Variants in TOPORS observed in about 807,000 individuals in gnomAD.
TOPORS encodes TOP1 binding arginine/serine rich protein, E3 ubiquitin ligase.
In TOPORS, 25 loss-of-function variants were observed where a neutral mutation model predicts 81.4. The observed-to-expected ratio is 0.31, with a 90% confidence interval of 0.22 to 0.43. The LOEUF is 0.43. Ranked by LOEUF, TOPORS falls within the 20% of genes least tolerant of loss-of-function variation. The probability of loss-of-function intolerance (pLI) is 1.00; values close to 1 mark genes in which losing one functional copy is unlikely to be tolerated. For synonymous variants in TOPORS, 473 were observed against 456.6 expected (o/e 1.04, Z -0.46); for missense variants, 1,101 against 1,267.0 (o/e 0.87, Z 1.99).
intron 1 of TOPORS, chr9:32,551,833 T>C (rs1563987860): frequency 6.7e-6 from 3 of 450,558 alleles, no homozygotes; most frequent in African/African-American, 6.0e-5. Flanking sequence ...TATTTCTTCT[T>C]AGAGATATAC....
Position 32,542,222 on chromosome 9 carries a change from C to A in TOPORS, c.2303G>T (p.Arg768Ile), listed in dbSNP as rs1404848736. The A allele has an allele frequency of 1.2e-6, 2 of 1,614,090 alleles. No individual in the cohort carries two copies. The highest frequency in any genetic ancestry group is 1.7e-5 in the Admixed American group (1 of 60,008). ...ERKYYYYERH[R>I]SRSLSSNRSR... is the part of the protein sequence containing the mutation. ...TCTGTTACTAGACAGGCTCCTTGAT[C>A]TGTGCCTTTCATAGTAGTAATACTT... Residue 768 changes from arginine (R) to isoleucine (I), a missense_variant, in exon 3 of 3, where the codon AGA becomes ATA. Physicochemically the swap from Arg to Ile is moderately conservative, Grantham distance 97. This residue lies in a region of TOPORS where 605 missense variants were observed against 636.1 expected (regional missense o/e 0.95). Coordinates refer to ENST00000360538, the MANE Select transcript of TOPORS (RefSeq NM_005802.5).
At position 32,542,343 on chromosome 9, in the gene TOPORS, C is replaced by A; in HGVS notation, c.2182G>T (p.Ala728Ser). 1 of 1,614,096 alleles carries A rather than the reference C, an allele frequency of 6.2e-7. No individual in the cohort carries two copies. Among genetic ancestry groups the A allele is most frequent in the Non-Finnish European group, 8.5e-7 (1 of 1,180,012 alleles). ...CTTGAAGACTGTCTAGAATAATGAG[C>A]TCTGGACAGAGTCCTCCTCCTGTAA... ...SSYRRRTLSR[A>S]HYSRQSSSPE... is the part of the protein sequence containing the mutation. The change falls in exon 3 of 3, where the codon GCT (alanine) becomes TCT (serine). Residue 728 changes from alanine to serine, a missense_variant. Ala to Ser is a moderately conservative substitution (Grantham distance 99). Transcript: ENST00000360538.
rs373017586 is a variant in TOPORS at position 32,550,825 on chromosome 9, G to A, written c.147C>T (p.Cys49=). Residue 49 remains cysteine (C), a synonymous_variant, in exon 2 of 3, where the codon TGC becomes TGT. Coordinates refer to ENST00000360538, the MANE Select transcript of TOPORS (RefSeq NM_005802.5). ...CTGGGGCGCTCGCCGCGAGCTCCCG[G>A]CAGCCCAGAAAGCTAGGTCGGTGTC... is the stretch of plus-strand genomic sequence containing the variant. ...SCRHRPSFLG[C]RELAASAPAR... 3.7e-6 allele frequency: 6 copies of A among 1,612,700 alleles called. No individual in the cohort carries two copies. Among genetic ancestry groups the A allele is most frequent in the East Asian group, 2.2e-5 (1 of 44,866 alleles).
At chr9:32,551,841 T>C (rs1427147652) in intron 1 of TOPORS, 18 of 447,362 alleles carry the variant, frequency 4.0e-5, no homozygotes, top group Non-Finnish European at 5.4e-5. Flanking sequence ...CTTAGAGATA[T>C]ACATTACGCT....
intron 2 of TOPORS, among the ~76,000 whole-genome samples, chr9:32,550,115 T>C (rs1010311700): frequency 1.3e-5 from 2 of 152,328 alleles, no homozygotes; most frequent in Non-Finnish European, 2.9e-5. Flanking sequence ...TCTTAAATAA[T>C]CTTGAAAATT....
rs142617569 is a variant in TOPORS at position 32,545,490 on chromosome 9, G to A, written c.199-1164C>T. 2.7e-3 allele frequency among the ~76,000 whole-genome samples: 403 copies of A among 151,620 alleles called. 3 individuals carry two copies. Among genetic ancestry groups the A allele is most frequent in the African/African-American group, 9.3e-3 (385 of 41,284 alleles). On this transcript the variant is annotated intron_variant, in intron 2 of 2. Coordinates refer to ENST00000360538, the MANE Select transcript of TOPORS (RefSeq NM_005802.5). ...TATTGACTATTGGGGAGTCAGGCGC[G>A]GTGGCTCATGCCTGTAATCCAGCAC...
chr9:32,552,307 A>G (rs1350701978), intron 1 of TOPORS, 127 bp downstream of exon 1: 2 of 1,377,294 alleles, frequency 1.5e-6, no homozygotes, highest in Non-Finnish European at 2.0e-6. Context: ...GCGCTGCACG[A>G]AGCGAGTGGG....
chr9:32,545,212 TTCAGCA>T (rs1308347305), intron 2 of TOPORS, among the ~76,000 whole-genome samples: 1 of 152,166 alleles, frequency 6.6e-6, no homozygotes, highest in East Asian at 1.9e-4. Context: ...ACTCATTCCA[TTCAGCA>T]TTCCTAATAA....
Position 32,550,759 on chromosome 9 carries a change from C to G in TOPORS, c.198+15G>C, listed in dbSNP as rs754899016. 1 of 1,612,760 alleles carries G rather than the reference C, an allele frequency of 6.2e-7. No individual in the cohort carries two copies. Among genetic ancestry groups the G allele is most frequent in the Admixed American group, 1.7e-5 (1 of 60,008 alleles). ...CTTCCGACCCCCGCGTCCCATTGTT[C>G]CGAATCTCACTCACCTCGGAGGATG... On this transcript the variant is annotated intron_variant, in intron 2 of 2. Transcript: ENST00000360538.
rs1323735656 is a variant in TOPORS, at chr9:32,550,928, T to A, written c.44A>T (p.Glu15Val). 6.2e-7 allele frequency: 1 copy of A among 1,612,206 alleles called. No homozygotes were observed. Among genetic ancestry groups the A allele is most frequent in the African/African-American group, 1.3e-5 (1 of 74,848 alleles). ...PPLGSPLSREEGEAPPPAPAS... is the reference protein window; with the variant it reads ...PPLGSPLSREVGEAPPPAPAS... ...GGGAGCAGGCGGGGGCGCTTCACCC[T>A]CCTCGCGAGACAGCGGAGACCCCAG... Residue 15 changes from glutamate (E) to valine (V), a missense_variant, in exon 2 of 3, where the codon GAG (glutamate) becomes GTG (valine). Coordinates refer to ENST00000360538, the MANE Select transcript of TOPORS (RefSeq NM_005802.5).
At chr9:32,551,242 T>C in intron 1 of TOPORS, 1 of 581,540 alleles carries the variant, frequency 1.7e-6, no homozygotes, top group Non-Finnish European at 3.1e-6. Context: ...CGCCCCTAAC[T>C]TACCCGGAAA....
At position 32,541,708 on chromosome 9, in the gene TOPORS, A is replaced by G; in HGVS notation, c.2817T>C (p.Phe939=). Residue 939 remains phenylalanine, a synonymous_variant, in exon 3 of 3, where the codon TTT becomes TTC. Coordinates refer to ENST00000360538, the MANE Select transcript of TOPORS (RefSeq NM_005802.5). Reference sequence around the variant, plus strand: ...CAAATGGTTCCAAGGAAGGAGCCAAAAACTCATTTTGTAGAGGGTCTTGAG... The same window carrying G: ...CAAATGGTTCCAAGGAAGGAGCCAAGAACTCATTTTGTAGAGGGTCTTGAG... ...SGPQDPLQNE[F]LAPSLEPFET... 1 of 1,614,214 alleles carries G rather than the reference A, an allele frequency of 6.2e-7. No homozygotes were observed. The highest frequency in any genetic ancestry group is 1.1e-5 in the South Asian group (1 of 91,082).
intron 2 of TOPORS, among the ~76,000 whole-genome samples, chr9:32,546,245 T>C (rs1448880711): frequency 6.6e-6 from 1 of 152,220 alleles, no homozygotes; most frequent in Non-Finnish European, 1.5e-5. Context: ...TGCACAACCT[T>C]CTCAGCATTT....
chr9:32,550,830 C>A lies in TOPORS; in HGVS notation c.142G>T (p.Gly48Cys), dbSNP rs2118981065. Residue 48 changes from glycine to cysteine, a missense_variant, in exon 2 of 3, where the codon GGC (glycine) becomes TGC (cysteine). Gly to Cys is a radical substitution (Grantham distance 159). Around this residue, in one of 9 missense-constraint regions of TOPORS, gnomAD observed 131 missense variants for 101.0 expected, o/e 1.30. Coordinates refer to ENST00000360538, the MANE Select transcript of TOPORS (RefSeq NM_005802.5). The part of the protein sequence containing the change: ...GSCRHRPSFL[G>C]CRELAASAPA... Reference sequence around the variant, plus strand: ...GCGCTCGCCGCGAGCTCCCGGCAGCCCAGAAAGCTAGGTCGGTGTCGGCAG... The same window carrying A: ...GCGCTCGCCGCGAGCTCCCGGCAGCACAGAAAGCTAGGTCGGTGTCGGCAG... The A allele has an allele frequency of 1.2e-6, 2 of 1,612,906 alleles. No homozygotes were observed. Among genetic ancestry groups the A allele is most frequent in the Non-Finnish European group, 1.7e-6 (2 of 1,179,722 alleles).
At chr9:32,546,626 C>T (rs1036092330) in intron 2 of TOPORS, among the ~76,000 whole-genome samples, 7 of 152,076 alleles carry the variant, frequency 4.6e-5, no homozygotes, top group Admixed American at 3.3e-4. Context: ...ATAAAAATTA[C>T]AGCTGAAAAT....
Position 32,550,774 on chromosome 9 carries a change from C to G in TOPORS, c.198G>C (p.Glu66Asp), listed in dbSNP as rs560530251. The G allele has an allele frequency of 7.4e-6, 12 of 1,612,898 alleles. No homozygotes were observed. In the South Asian group the frequency reaches 1.3e-4, roughly 18 times the overall value. The change falls in exon 2 of 3, where the codon GAG becomes GAC. Residue 66 changes from glutamate to aspartate, a missense_variant and splice_region_variant. Transcript: ENST00000360538. Reference sequence around the variant, plus strand: ...TCCCATTGTTCCGAATCTCACTCACCTCGGAGGATGCCGGCGCAGGCCTGG... The same window carrying G: ...TCCCATTGTTCCGAATCTCACTCACGTCGGAGGATGCCGGCGCAGGCCTGG... ...APARPAPASS[E>D]IMASAAKEFK...
Position 32,552,392 on chromosome 9 carries a change from GCAGCTCCCGC to G in TOPORS, c.3+32_3+41del, listed in dbSNP as rs751722809. Reference sequence around the variant, plus strand: ...CGCCTGGGAGGTTACTGTAAGGCCCGCAGCTCCCGCCAGCTCCCGCGGACTGCTGCCGCCT... The same window carrying G: ...CGCCTGGGAGGTTACTGTAAGGCCCGCAGCTCCCGCGGACTGCTGCCGCCT... On this transcript the variant is annotated intron_variant, in intron 1 of 2. Coordinates refer to ENST00000360538, the MANE Select transcript of TOPORS (RefSeq NM_005802.5). 970 of 1,606,476 alleles carry G rather than the reference GCAGCTCCCGC, an allele frequency of 6.0e-4. 1 individual carries two copies. Among genetic ancestry groups the G allele is most frequent in the Non-Finnish European group, 7.9e-4 (935 of 1,177,022 alleles).
At chr9:32,547,166 A>C (rs1821150904) in intron 2 of TOPORS, among the ~76,000 whole-genome samples, 1 of 152,266 alleles carries the variant, frequency 6.6e-6, no homozygotes, top group South Asian at 2.1e-4. Context: ...CAGGAATTTG[A>C]AACAGCCTAG....
In TOPORS at chr9:32,544,158, A is replaced by T; in HGVS notation, c.367T>A (p.Phe123Ile). Residue 123 changes from phenylalanine (F) to isoleucine (I), a missense_variant, in exon 3 of 3, where the codon TTC (phenylalanine) becomes ATC (isoleucine). Physicochemically the swap from Phe to Ile is conservative, Grantham distance 21. This residue lies in a region of TOPORS where 48 missense variants were observed against 73.3 expected (regional missense o/e 0.65). Transcript: ENST00000360538. ...VSYLDRCLHK[F>I]CFRCVQEWSK... The stretch of plus-strand genomic sequence containing the variant: ...CACTCCTGTACACAGCGAAAACAGA[A>T]CTTATGTAAGCAGCGATCTAAGTAA... 6.2e-7 allele frequency: 1 copy of T among 1,614,020 alleles called. No individual in the cohort carries two copies. Among genetic ancestry groups the T allele is most frequent in the Non-Finnish European group, 8.5e-7 (1 of 1,180,006 alleles).
Sources: allele counts gnomAD v4.1 joint callset (sites outside exome capture counted in the v4.1 genomes callset), GRCh38; gene constraint gnomAD v4.1.1; regional missense constraint gnomAD v4.1.1; transcripts MANE v1.5; gene names NCBI Gene and HGNC (gene_info 2026-07-23, HGNC 2026-07-21).